The following C13orf46 variants were observed in gnomAD, a reference collection of about 807,000 sequenced individuals.
C13orf46 encodes the protein chromosome 13 open reading frame 46, also known as uncharacterized protein C13orf46.
At chr13:113,931,012 G>C in the C13orf46 span, among the ~76,000 whole-genome samples, 1 of 152,188 alleles carries the variant, frequency 6.6e-6, no homozygotes, top group Admixed American at 6.5e-5. Flanking sequence ...ACTGAGGGTC[G>C]CTGGGTAGAT....
chr13:113,964,215 C>T (rs2052615494), intron 6 of C13orf46, among the ~76,000 whole-genome samples: 1 of 152,340 alleles, frequency 6.6e-6, no homozygotes, highest in South Asian at 2.1e-4. Flanking sequence ...AATCAAAATA[C>T]TGATAAACTG....
the C13orf46 span, chr13:113,927,751 C>T: frequency 1.8e-5 from 7 of 396,940 alleles, no homozygotes; most frequent in East Asian, 2.5e-4. Context: ...GGTGTCACCT[C>T]ACTCCTGGCA....
At chr13:113,941,959 G>A in the C13orf46 span, among the ~76,000 whole-genome samples, 57 of 152,348 alleles carry the variant, frequency 3.7e-4, 1 homozygote, top group African/African-American at 1.3e-3. Context: ...CTCCTCCAGA[G>A]CAGGGAAGTT....
chr13:113,931,480 C>T, the C13orf46 span, among the ~76,000 whole-genome samples: 3 of 150,878 alleles, frequency 2.0e-5, no homozygotes, highest in Non-Finnish European at 4.4e-5. Flanking sequence ...AGGGAGTACA[C>T]CCCTCCCTTG....
chr13:113,929,792 G>A, the C13orf46 span, among the ~76,000 whole-genome samples: 11 of 152,186 alleles, frequency 7.2e-5, no homozygotes, highest in Admixed American at 3.9e-4. Flanking sequence ...CTGGAGTCCC[G>A]GAGCATCCCG....
intron 1 of C13orf46, among the ~76,000 whole-genome samples, chr13:113,972,452 C>T (rs2052717759): frequency 6.6e-6 from 1 of 152,228 alleles, no homozygotes; most frequent in Admixed American, 6.5e-5. Context: ...TTCCACGGCC[C>T]CGTGGACACC....
chr13:113,931,589 A>G, the C13orf46 span, among the ~76,000 whole-genome samples: 24 of 152,318 alleles, frequency 1.6e-4, no homozygotes, highest in Admixed American at 2.6e-4. Flanking sequence ...GTAACTCGCA[A>G]GCAGCATGGG....
the C13orf46 span, among the ~76,000 whole-genome samples, chr13:113,930,957 C>T: frequency 1.3e-5 from 2 of 152,366 alleles, no homozygotes; most frequent in Middle Eastern, 3.4e-3. Flanking sequence ...AGGCTGGGGC[C>T]TCCACAGAAA....
intron 6 of C13orf46, among the ~76,000 whole-genome samples, chr13:113,957,234 A>G (rs2052543975): frequency 7.4e-6 from 1 of 135,316 alleles, no homozygotes; most frequent in Non-Finnish European, 1.5e-5. Context: ...CATCAAGCGC[A>G]CTGGGGGTCT....
chr13:113,939,124 C>T, the C13orf46 span, among the ~76,000 whole-genome samples: 4 of 151,786 alleles, frequency 2.6e-5, no homozygotes, highest in African/African-American at 9.7e-5. Context: ...CTCAGTGGAA[C>T]TTGCTCAGCT....
chr13:113,937,592 A>G, the C13orf46 span, among the ~76,000 whole-genome samples: 2 of 152,186 alleles, frequency 1.3e-5, no homozygotes, highest in Non-Finnish European at 2.9e-5. Flanking sequence ...CACCTGTGAC[A>G]CAGCCTCCGG....
the C13orf46 span, among the ~76,000 whole-genome samples, chr13:113,937,686 G>A: frequency 1.2e-4 from 19 of 152,282 alleles, no homozygotes; most frequent in Middle Eastern, 3.4e-3. Flanking sequence ...AACATACATC[G>A]GATGAACGCT....
chr13:113,945,879 G>A, the C13orf46 span, among the ~76,000 whole-genome samples: 11 of 146,334 alleles, frequency 7.5e-5, no homozygotes, highest in South Asian at 2.3e-3. Context: ...TGTGACAGGA[G>A]GTCAGCCAGG....
intron 5 of C13orf46, among the ~76,000 whole-genome samples, chr13:113,965,701 GTGA>G (rs2052629758): frequency 1.3e-5 from 2 of 151,156 alleles, no homozygotes; most frequent in African/African-American, 4.9e-5. Flanking sequence ...GGTGACAATG[GTGA>G]TGGTGATTAT....
the C13orf46 span, among the ~76,000 whole-genome samples, chr13:113,945,577 G>GAAAGAA: frequency 9.4e-3 from 1,194 of 126,548 alleles, 12 homozygotes; most frequent in Middle Eastern, 0.013. Context: ...AAGAAAGAAA[G>GAAAGAA]AGAGAGAGAG....
intron 1 of C13orf46, among the ~76,000 whole-genome samples, chr13:113,972,869 C>T (rs1330502955): frequency 6.6e-6 from 1 of 152,168 alleles, no homozygotes; most frequent in African/African-American, 2.4e-5. Flanking sequence ...CAGGCCTGCC[C>T]TCCTCTCACC....
chr13:113,961,127 G>C (rs978434672), intron 6 of C13orf46, among the ~76,000 whole-genome samples: 68 of 152,186 alleles, frequency 4.5e-4, no homozygotes, highest in Non-Finnish European at 8.8e-5. Context: ...ATCTTTTGCA[G>C]GTTTCCACAG....
the C13orf46 span, among the ~76,000 whole-genome samples, chr13:113,939,971 CCTGT>C: frequency 1.3e-5 from 2 of 152,220 alleles, no homozygotes; most frequent in African/African-American, 4.8e-5. Context: ...GCCAGAGCCT[CCTGT>C]CTGTCATGTG....
chr13:113,950,241 T>C (rs1418902412), downstream of C13orf46, among the ~76,000 whole-genome samples: 4 of 137,358 alleles, frequency 2.9e-5, no homozygotes, highest in Non-Finnish European at 6.1e-5. Flanking sequence ...ATCTGTAGAG[T>C]GGGGTCCTCG....
Sources: allele counts gnomAD v4.1 joint callset (sites outside exome capture counted in the v4.1 genomes callset), GRCh38; gene constraint gnomAD v4.1.1; transcripts MANE v1.5; gene names NCBI Gene and HGNC (gene_info 2026-07-23, HGNC 2026-07-21).